The following ANKRD22 variants were observed in gnomAD, a reference collection of about 807,000 sequenced individuals.
ANKRD22 encodes ankyrin repeat domain-containing protein 22.
A neutral mutation model predicts 25.7 loss-of-function variants in ANKRD22; 24 were observed. The observed-to-expected ratio is 0.93, with a 90% confidence interval of 0.68 to 1.31. The LOEUF is 1.31. Ranked by LOEUF, ANKRD22 falls within the 50% of genes most tolerant of loss-of-function variation. The probability of loss-of-function intolerance (pLI) is 0.00; values close to 1 mark genes in which losing one functional copy is unlikely to be tolerated. For synonymous variants in ANKRD22, 84 were observed against 84.3 expected (o/e 1.00, Z 0.02); for missense variants, 214 against 227.1 (o/e 0.94, Z 0.37).
intron 1 of ANKRD22, among the ~76,000 whole-genome samples, chr10:88,841,890 C>T (rs1188152307): frequency 6.6e-6 from 1 of 152,094 alleles, no homozygotes; most frequent in Non-Finnish European, 1.5e-5. Flanking sequence ...CCTTGCATTC[C>T]CTCCAAAAAG....
intron 2 of ANKRD22, among the ~76,000 whole-genome samples, 179 bp from the exon 3 acceptor site, chr10:88,828,845 G>A (rs932163663): frequency 6.6e-6 from 1 of 152,060 alleles, no homozygotes; most frequent in African/African-American, 2.4e-5. Context: ...CAGAGAACTC[G>A]GTCCAGTGTA....
chr10:88,842,293 A>T (rs1436625563), intron 1 of ANKRD22, among the ~76,000 whole-genome samples: 1 of 152,150 alleles, frequency 6.6e-6, no homozygotes, highest in African/African-American at 2.4e-5. Context: ...AAATAATATT[A>T]TCCCTCTTTA....
intron 1 of ANKRD22, among the ~76,000 whole-genome samples, chr10:88,839,560 C>T (rs570229454): frequency 1.1e-4 from 17 of 152,234 alleles, no homozygotes; most frequent in East Asian, 5.8e-4. Context: ...ATCTTTCCTA[C>T]CTGCAGCAGG....
intron 4 of ANKRD22, among the ~76,000 whole-genome samples, chr10:88,824,650 C>G (rs949708550): frequency 6.6e-6 from 1 of 152,186 alleles, no homozygotes; most frequent in Admixed American, 6.5e-5. Flanking sequence ...CCCATCTCAG[C>G]CTTCCAAGTA....
rs138523850 is a variant in ANKRD22 at position 88,847,681 on chromosome 10, C to T, written c.21+3906G>A. On this transcript the variant is annotated intron_variant, in intron 1 of 5. Transcript: ENST00000371930. ...TCCTTTTTTTTTCTTATCACTGTTA[C>T]CCATAAGTATCTGCAGACCTTTTTG... Among the ~76,000 whole-genome samples the T allele has an allele frequency of 7.6e-3, 1,161 of 151,908 alleles. 16 individuals carry two copies. Among genetic ancestry groups the T allele is most frequent in the South Asian group, 0.043 (208 of 4,806 alleles).
Position 88,822,544 on chromosome 10 carries a change from C to CTTGTTTTTTTTTTTTTTTTTTTTTTTT in ANKRD22, c.*396_*397insAAAAAAAAAAAAAAAAAAAAAAAACAA, listed in dbSNP as rs1843808481. On this transcript the variant is annotated 3_prime_UTR_variant, in exon 6 of 6. Coordinates refer to ENST00000371930, the MANE Select transcript of ANKRD22 (RefSeq NM_144590.3). ...AAAGACTGAGTTTGGAACACCAGGG[C>CTTGTTTTTTTTTTTTTTTTTTTTTTTT]TTTTTTTTTTTTTTTTTTTTTTGAG... 1 of 36,438 alleles carries CTTGTTTTTTTTTTTTTTTTTTTTTTTT rather than the reference C, an allele frequency of 2.7e-5. No individual in the cohort carries two copies. The highest frequency in any genetic ancestry group is 7.3e-4 in the East Asian group (1 of 1,370). 2.3% of individuals were successfully genotyped at this position (36,438 alleles called of 1,614,324 possible).
At chr10:88,848,082 C>A (rs915914607) in intron 1 of ANKRD22, among the ~76,000 whole-genome samples, 3 of 151,142 alleles carry the variant, frequency 2.0e-5, no homozygotes, top group Admixed American at 6.6e-5. Flanking sequence ...TGTTTGTGCT[C>A]AAAAATTTGG....
rs1564600729 is a variant in ANKRD22, at chr10:88,821,054, A to G, written c.*1887T>C. Among the ~76,000 whole-genome samples, 2 of 152,242 alleles carry G rather than the reference A, an allele frequency of 1.3e-5. No individual in the cohort carries two copies. ...GAATAAGGCCAAGTTTTATAGTTGC[A>G]TCTCAGGGAAGAAAATTTTATAGGA... On this transcript the variant is annotated 3_prime_UTR_variant, in exon 6 of 6. Coordinates refer to ENST00000371930, the MANE Select transcript of ANKRD22 (RefSeq NM_144590.3).
chr10:88,839,926 T>C (rs918116057), intron 1 of ANKRD22, among the ~76,000 whole-genome samples: 12 of 152,146 alleles, frequency 7.9e-5, no homozygotes, highest in Non-Finnish European at 1.6e-4. Context: ...TCTGTAAGAA[T>C]AGGATTGGGG....
Position 88,822,544 on chromosome 10 carries a change from C to CTGTTTTTTTTTTTTTTTTTTTTTTT in ANKRD22, c.*396_*397insAAAAAAAAAAAAAAAAAAAAAAACA, listed in dbSNP as rs1554832256. ...AAAGACTGAGTTTGGAACACCAGGG[C>CTGTTTTTTTTTTTTTTTTTTTTTTT]TTTTTTTTTTTTTTTTTTTTTTGAG... On this transcript the variant is annotated 3_prime_UTR_variant, in exon 6 of 6. Coordinates refer to ENST00000371930, the MANE Select transcript of ANKRD22 (RefSeq NM_144590.3). 2.7e-5 allele frequency: 1 copy of CTGTTTTTTTTTTTTTTTTTTTTTTT among 36,434 alleles called. No individual in the cohort carries two copies. Among genetic ancestry groups the CTGTTTTTTTTTTTTTTTTTTTTTTT allele is most frequent in the Non-Finnish European group, 5.9e-5 (1 of 17,010 alleles). 2.3% of individuals were successfully genotyped at this position (36,434 alleles called of 1,614,324 possible).
intron 1 of ANKRD22, among the ~76,000 whole-genome samples, chr10:88,839,904 G>C (rs1448344414): frequency 6.6e-6 from 1 of 152,120 alleles, no homozygotes; most frequent in Non-Finnish European, 1.5e-5. Flanking sequence ...CTATTGACCA[G>C]TTAAATAAGA....
chr10:88,846,171 A>G (rs1176863652), intron 1 of ANKRD22, among the ~76,000 whole-genome samples: 1 of 152,072 alleles, frequency 6.6e-6, no homozygotes, highest in East Asian at 1.9e-4. Context: ...TTTGACATAC[A>G]GAATCATTCA....
intron 3 of ANKRD22, among the ~76,000 whole-genome samples, chr10:88,828,007 C>T (rs569761296): frequency 3.4e-4 from 52 of 152,336 alleles, no homozygotes; most frequent in East Asian, 5.8e-4. Flanking sequence ...ATACCAACTA[C>T]ATCTTTCTTT....
intron 1 of ANKRD22, among the ~76,000 whole-genome samples, chr10:88,837,469 A>C (rs1454492748): frequency 6.6e-6 from 1 of 152,212 alleles, no homozygotes; most frequent in Non-Finnish European, 1.5e-5. Flanking sequence ...TTAAGATGGA[A>C]ACATTAGTCT....
At position 88,840,303 on chromosome 10, in the gene ANKRD22, T is replaced by A. The variant is rs1049714815; in HGVS notation, c.22-8277A>T. Among the ~76,000 whole-genome samples the A allele has an allele frequency of 2.6e-5, 4 of 152,198 alleles. No individual in the cohort carries two copies. The East Asian group carries it at 5.8e-4, about 22-fold the overall frequency. ...TTAACTAAAATAATCAGCATGTTGA[T>A]GATTAACTGTATGTATTACTTAATA... On this transcript the variant is annotated intron_variant, in intron 1 of 5. Transcript: ENST00000371930.
chr10:88,820,561 A>G lies in ANKRD22; in HGVS notation c.*2380T>C. On this transcript the variant is annotated 3_prime_UTR_variant, in exon 6 of 6. Transcript: ENST00000371930. ...TGAGGGATGGGGCTAGGACCCATGA[A>G]GGCAGAATTACGGAGAGCAGAGACC... 2 of 1,475,984 alleles carry G rather than the reference A, an allele frequency of 1.4e-6. No individual in the cohort carries two copies. The highest frequency in any genetic ancestry group is 1.8e-6 in the Non-Finnish European group (2 of 1,103,976). The allele number at this position is 1,475,984 out of a possible 1,614,324, so 91.4% of individuals were successfully genotyped here. A position where few individuals can be genotyped will look rare whatever the true frequency, so the allele number is the denominator to read the frequency against.
At chr10:88,829,456 C>A (rs528934553) in intron 2 of ANKRD22, among the ~76,000 whole-genome samples, 1 of 152,088 alleles carries the variant, frequency 6.6e-6, no homozygotes, top group African/African-American at 2.4e-5. Context: ...AGGAACATAA[C>A]GATAGAATTT....
intron 1 of ANKRD22, among the ~76,000 whole-genome samples, chr10:88,849,137 G>A (rs750900946): frequency 2.3e-4 from 35 of 152,078 alleles, no homozygotes; most frequent in Non-Finnish European, 4.3e-4. Context: ...TGGGGCCTGT[G>A]TCTGCAACTG....
intron 1 of ANKRD22, among the ~76,000 whole-genome samples, chr10:88,850,031 C>G (rs1000184125): frequency 7.2e-6 from 1 of 138,568 alleles, no homozygotes; most frequent in Middle Eastern, 3.4e-3. Context: ...TGAATAGATT[C>G]TTCCAGGCAA....
Sources: gnomAD v4.1 joint callset for allele counts (sites outside exome capture counted in the v4.1 genomes callset) on GRCh38, gnomAD v4.1.1 for gene constraint, MANE v1.5 for transcripts, NCBI Gene and HGNC (gene_info 2026-07-23, HGNC 2026-07-21) for gene names.